Variants in OAS3 observed in about 807,000 individuals in gnomAD.
OAS3 encodes the protein 2'-5'-oligoadenylate synthetase 3, also known as 2'-5'-oligoadenylate synthase 3.
In OAS3, 107 loss-of-function variants were observed where a neutral mutation model predicts 113.0. The observed-to-expected ratio is 0.95, with a 90% CI of 0.81 to 1.11. The LOEUF (loss-of-function observed/expected upper bound fraction) is 1.11. Among genes scored for constraint, OAS3 ranks in the 50% most tolerant of loss-of-function variants. OAS3 has a pLI of 0.00. For missense variants in OAS3, 1,258 were observed against 1,389.1 expected, an observed-to-expected ratio of 0.91 and a Z score of 1.50; for synonymous variants, 552 against 573.6, an observed-to-expected ratio of 0.96 and a Z score of 0.54.
In OAS3 at chr12:112,968,158, C is replaced by A. The variant is rs765620541; in HGVS notation, c.3088C>A (p.Gln1030Lys). The A allele has an allele frequency of 1.2e-6, 2 of 1,612,748 alleles. No individual in the cohort carries two copies. Among genetic ancestry groups the A allele is most frequent in the Non-Finnish European group, 1.7e-6 (2 of 1,179,092 alleles). The change falls in exon 14 of 16, where the codon CAG becomes AAG. Residue 1030 changes from glutamine to lysine, a missense_variant. Gln to Lys is a moderately conservative substitution (Grantham distance 53). Coordinates refer to ENST00000228928, the MANE Select transcript of OAS3 (RefSeq NM_006187.4). ...GACTGTTGGAGACTTCCTGAAACAG[C>A]AGCTTCAGAAGCCCAGGTTCAGGTC... ...DKTVGDFLKQ[Q>K]LQKPRPIILD...
In OAS3 at chr12:112,950,813, G is replaced by C; in HGVS notation, c.1495G>C (p.Glu499Gln). The C allele has an allele frequency of 1.2e-6, 2 of 1,614,058 alleles. No individual in the cohort carries two copies. Among genetic ancestry groups the C allele is most frequent in the Non-Finnish European group, 1.7e-6 (2 of 1,179,908 alleles). Reference protein sequence around the residue: ...QGPRRAEILDEMRAQLESWWQ... With the variant: ...QGPRRAEILDQMRAQLESWWQ... The stretch of plus-strand genomic sequence containing the variant: ...GCCCCGCCGCGCAGAGATCCTTGAT[G>C]AGATGCGAGCGCAGCTAGAATCCTG... The change falls in exon 7 of 16, where the codon GAG (glutamate) becomes CAG (glutamine). Residue 499 changes from glutamate (E) to glutamine (Q), a missense_variant. By Grantham distance (29) the Glu-to-Gln change is conservative (BLOSUM62 2). Coordinates refer to ENST00000228928, the MANE Select transcript of OAS3 (RefSeq NM_006187.4).
rs956805778 is a variant in OAS3 at position 112,970,087 on chromosome 12, AGCACATGTGTGCATGTGTGT to A, written c.*120_*139del. On this transcript the variant is annotated 3_prime_UTR_variant, in exon 16 of 16. Transcript: ENST00000228928. ...GAGAGATTGTGTACATGTGTGTGTG[AGCACATGTGTGCATGTGTGT>A]GCACACGTGTGCATGTGTGTGTTTT... is the stretch of plus-strand genomic sequence containing the variant. 6.5e-6 allele frequency: 8 copies of A among 1,233,608 alleles called. No individual in the cohort carries two copies. The African/African-American group carries it at 1.0e-4, about 16-fold the overall frequency. 76.4% of individuals were successfully genotyped at this position (1,233,608 alleles called of 1,614,324 possible). A position where few individuals can be genotyped will look rare whatever the true frequency, so the allele number is the denominator to read the frequency against.
At chr12:112,966,083 A>G (rs1318060564) in intron 12 of OAS3, 54 bp downstream of exon 12, 2 of 1,588,098 alleles carry the variant, frequency 1.3e-6, no homozygotes, top group African/African-American at 2.7e-5. Flanking sequence ...CAGGGCCGCC[A>G]TGGGCAGTTG....
At chr12:112,967,675 A>C in intron 13 of OAS3, 82 bp downstream of exon 13, 2 of 1,462,226 alleles carry the variant, frequency 1.4e-6, no homozygotes, top group African/African-American at 1.4e-5. Context: ...AGCAGGGCCC[A>C]GCCCTGGCCA....
Position 112,938,551 on chromosome 12 carries a change from G to A in OAS3, c.21G>A (p.Pro7=). The A allele has an allele frequency of 6.2e-7, 1 of 1,608,126 alleles. No homozygotes were observed. Among genetic ancestry groups the A allele is most frequent in the Non-Finnish European group, 8.5e-7 (1 of 1,178,048 alleles). Reference sequence around the variant, plus strand: ...CGGCCATGGACTTGTACAGCACCCCGGCCGCTGCGCTGGACAGGTTCGTGG... The same window carrying A: ...CGGCCATGGACTTGTACAGCACCCCAGCCGCTGCGCTGGACAGGTTCGTGG... MDLYST[P]AAALDRFVAR... is the part of the protein sequence containing the mutation. The change falls in exon 1 of 16, where the codon CCG becomes CCA. Residue 7 remains proline (P), a synonymous_variant. Coordinates refer to ENST00000228928, the MANE Select transcript of OAS3 (RefSeq NM_006187.4).
At position 112,948,949 on chromosome 12, in the gene OAS3, A is replaced by G. The variant is rs769669888; in HGVS notation, c.1118A>G (p.Asn373Ser). The G allele has an allele frequency of 4.2e-5, 67 of 1,613,366 alleles. 1 individual carries two copies. The Admixed American group carries it at 6.8e-4, about 16-fold the overall frequency. The stretch of plus-strand genomic sequence containing the variant: ...ACCCCTGAAAACAGCAAGAGCCTCA[A>G]TGCTGTGTACCCAAGAGCAGGGAGC... Reference protein sequence around the residue: ...QKTPENSKSLNAVYPRAGSKP... With the variant: ...QKTPENSKSLSAVYPRAGSKP... The change falls in exon 6 of 16, where the codon AAT (asparagine) becomes AGT (serine). Residue 373 changes from asparagine to serine, a missense_variant. Transcript: ENST00000228928.
chr12:112,963,281 C>T lies in OAS3; in HGVS notation c.2085-32C>T. 6.5e-7 allele frequency: 1 copy of T among 1,543,220 alleles called. No individual in the cohort carries two copies. The highest frequency in any genetic ancestry group is 1.2e-5 in the South Asian group (1 of 81,058). ...CGCCTCCTCTTTCACTGACTCCCAC[C>T]TTCCCCACCCACCTTCCTGCTGTGC... On this transcript the variant is annotated intron_variant, in intron 9 of 15. Transcript: ENST00000228928. The surrounding 1 kb of genome is among the most constrained non-coding windows in gnomAD (Gnocchi z 4.6).
At chr12:112,967,287 C>A in intron 12 of OAS3, 131 bp from the exon 13 acceptor site, 2 of 772,816 alleles carry the variant, frequency 2.6e-6, no homozygotes, top group African/African-American at 1.7e-5. Context: ...CACCCTGTGG[C>A]CTCCCAGTGG....
chr12:112,938,778 G>A, intron 1 of OAS3, 71 bp downstream of exon 1: 1 of 1,237,204 alleles, frequency 8.1e-7, no homozygotes, highest in Non-Finnish European at 1.1e-6. Context: ...CCTCACATAG[G>A]CTTACGGTGG....
chr12:112,964,516 GC>G, intron 11 of OAS3, 108 bp downstream of exon 11: 2 of 1,176,798 alleles, frequency 1.7e-6, no homozygotes, highest in Non-Finnish European at 2.4e-6. Context: ...ACAGCAAAAA[GC>G]CAGGCATAGA....
In OAS3 at chr12:112,954,595, C is replaced by T. The variant is rs536927054; in HGVS notation, c.1657+3620C>T. 1.3e-5 allele frequency among the ~76,000 whole-genome samples: 2 copies of T among 152,288 alleles called. No individual in the cohort carries two copies. Among genetic ancestry groups the T allele is most frequent in the African/African-American group, 4.8e-5 (2 of 41,546 alleles). ...ACAGGCGTGAGCCACTGCGCCTGGC[C>T]CCATTTCTTGTTTTTGTCAGGTTTG... On this transcript the variant is annotated intron_variant, in intron 7 of 15. Transcript: ENST00000228928. The surrounding 1 kb of genome is among the most constrained non-coding windows in gnomAD (Gnocchi z 4.0).
chr12:112,969,900 G>A (rs2043968989), intron 15 of OAS3, 62 bp from the exon 16 acceptor site: 3 of 1,597,680 alleles, frequency 1.9e-6, no homozygotes, highest in Admixed American at 1.7e-5. Flanking sequence ...CCATCCGGCT[G>A]TGTGGTCTCA....
intron 7 of OAS3, among the ~76,000 whole-genome samples, chr12:112,958,814 T>C (rs1446787809): frequency 6.6e-6 from 1 of 152,258 alleles, no homozygotes; most frequent in Non-Finnish European, 1.5e-5. Flanking sequence ...GAGGAGGCAG[T>C]CTGTCCGTTC....
At chr12:112,944,677 C>T (rs1285407871) in intron 3 of OAS3, 26 bp downstream of exon 3, 23 of 1,612,434 alleles carry the variant, frequency 1.4e-5, no homozygotes, top group African/African-American at 2.7e-5. Context: ...AGGGTTTCTC[C>T]AGACATGTGA....
chr12:112,963,469 G>A lies in OAS3; in HGVS notation c.2229+12G>A. 3.3e-6 allele frequency: 5 copies of A among 1,518,122 alleles called. No homozygotes were observed. The highest frequency in any genetic ancestry group is 4.4e-6 in the Non-Finnish European group (5 of 1,127,112). 94.0% of individuals were successfully genotyped at this position (1,518,122 alleles called of 1,614,324 possible). Reference sequence around the variant, plus strand: ...CCTGGGATGTGATGGTAAGATGGAGGGTCCTGGGGGGCAGGGGGCCCTGCA... The same window carrying A: ...CCTGGGATGTGATGGTAAGATGGAGAGTCCTGGGGGGCAGGGGGCCCTGCA... On this transcript the variant is annotated intron_variant, in intron 10 of 15. Transcript: ENST00000228928. The surrounding 1 kb of genome is among the most constrained non-coding windows in gnomAD (Gnocchi z 4.6).
intron 7 of OAS3, among the ~76,000 whole-genome samples, chr12:112,956,480 A>G (rs529994036): frequency 6.6e-6 from 1 of 152,308 alleles, no homozygotes; most frequent in Admixed American, 6.5e-5. Context: ...ATTTAATGCT[A>G]TAAATTTCCC....
Position 112,950,819 on chromosome 12 carries a change from C to A in OAS3, c.1501C>A (p.Arg501=). 1 of 1,614,006 alleles carries A rather than the reference C, an allele frequency of 6.2e-7. No individual in the cohort carries two copies. Among genetic ancestry groups the A allele is most frequent in the East Asian group, 2.2e-5 (1 of 44,886 alleles). ...PRRAEILDEM[R]AQLESWWQDQ... is the part of the protein sequence containing the mutation. ...CCGCGCAGAGATCCTTGATGAGATG[C>A]GAGCGCAGCTAGAATCCTGGTGGCA... is the stretch of plus-strand genomic sequence containing the variant. Residue 501 remains arginine (R), a synonymous_variant, in exon 7 of 16, where the codon CGA becomes AGA. Transcript: ENST00000228928.
chr12:112,965,328 A>G (rs1483335308), intron 11 of OAS3, among the ~76,000 whole-genome samples: 1 of 152,112 alleles, frequency 6.6e-6, no homozygotes, highest in South Asian at 2.1e-4. Flanking sequence ...CCTTGGAATT[A>G]CAGTTTTTTA....
intron 2 of OAS3, 47 bp from the exon 3 acceptor site, chr12:112,944,429 C>T (rs2043707722): frequency 3.7e-6 from 6 of 1,608,948 alleles, no homozygotes; most frequent in Non-Finnish European, 5.1e-6. Context: ...GCCCTCCATC[C>T]TGTGTCCTCA....
Sources: allele counts gnomAD v4.1 joint callset (sites outside exome capture counted in the v4.1 genomes callset), GRCh38; gene constraint gnomAD v4.1.1; non-coding constraint Gnocchi (gnomAD v3.1); transcripts MANE v1.5; gene names NCBI Gene and HGNC (gene_info 2026-07-23, HGNC 2026-07-21).